Variants in PLAC1 observed in about 807,000 individuals in gnomAD.
PLAC1 encodes the protein placenta-specific protein 1.
For synonymous variants in PLAC1, 68 were observed against 62.1 expected (o/e 1.09, Z -0.44); for missense variants, 136 against 163.2 (o/e 0.83, Z 0.91).
intron 1 of PLAC1, among the ~76,000 whole-genome samples, chrX:134,649,749 T>C (rs2078353179): frequency 8.9e-6 from 1 of 112,221 alleles, no homozygotes; most frequent in South Asian, 3.7e-4. Context: ...TTAAATAACA[T>C]GGCAGATAAG....
chrX:134,734,672 C>T (rs1213487937), intron 1 of PLAC1, among the ~76,000 whole-genome samples: 1 of 111,969 alleles, frequency 8.9e-6, no homozygotes, highest in Non-Finnish European at 1.9e-5. Context: ...GGCGTTCCCT[C>T]CCCTCTCTCT....
At chrX:134,605,952 G>A (rs927665461) in intron 1 of PLAC1, 1 of 111,844 alleles carries the variant, frequency 8.9e-6, no homozygotes, top group Non-Finnish European at 1.9e-5. Context: ...ATAGAAAGTG[G>A]TATTTGTGGC....
intron 1 of PLAC1, among the ~76,000 whole-genome samples, chrX:134,748,245 A>G (rs2078733454): frequency 9.3e-6 from 1 of 108,058 alleles, no homozygotes; most frequent in South Asian, 4.1e-4. Flanking sequence ...CAGGAGAATC[A>G]CTTGAACCCG....
At chrX:134,625,061 CT>C (rs2078229280) in intron 1 of PLAC1, among the ~76,000 whole-genome samples, 1 of 111,916 alleles carries the variant, frequency 8.9e-6, no homozygotes, top group Non-Finnish European at 1.9e-5. Context: ...TTACAGCCTA[CT>C]GACTTTCCCA....
chrX:134,732,664 G>T (rs2078692113), intron 2 of PLAC1, among the ~76,000 whole-genome samples: 1 of 112,479 alleles, frequency 8.9e-6, no homozygotes, highest in Non-Finnish European at 1.9e-5. Context: ...TTATCAAAAA[G>T]CACGACTGTG....
At chrX:134,699,500 G>A (rs746328113) in intron 2 of PLAC1, among the ~76,000 whole-genome samples, 7 of 112,261 alleles carry the variant, frequency 6.2e-5, no homozygotes, top group East Asian at 2.8e-4. Flanking sequence ...AAGTAACTAC[G>A]TGAGATGATG....
rs1792082499 is a variant in PLAC1, at chrX:134,584,650, T to C, written c.-59+17401A>G. Among the ~76,000 whole-genome samples, 5 of 111,381 alleles carry C rather than the reference T, an allele frequency of 4.5e-5. No individual in the cohort carries two copies. In the South Asian group the frequency reaches 2.0e-3, roughly 44 times the overall value. ...AGCTCAACTTCTGTTCCAACATTTGTTTCAAATAAGATTTCCTTCCATAAA... is the reference window on the plus strand; with the variant it reads ...AGCTCAACTTCTGTTCCAACATTTGCTTCAAATAAGATTTCCTTCCATAAA... On this transcript the variant is annotated intron_variant, in intron 2 of 2. Transcript: ENST00000359237.
chrX:134,679,415 G>A (rs1281927758), intron 2 of PLAC1, among the ~76,000 whole-genome samples: 1 of 110,964 alleles, frequency 9.0e-6, no homozygotes, highest in East Asian at 2.8e-4. Context: ...ACAATATAGT[G>A]GAGAAGAGTG....
chrX:134,572,286 G>A (rs1178351229), intron 2 of PLAC1, among the ~76,000 whole-genome samples: 1 of 111,810 alleles, frequency 8.9e-6, no homozygotes, highest in African/African-American at 3.2e-5. Flanking sequence ...TTAAAATGGA[G>A]GTTCTTTTTA....
intron 1 of PLAC1, among the ~76,000 whole-genome samples, chrX:134,752,237 CTTCT>C (rs916774893): frequency 3.8e-5 from 4 of 104,434 alleles, no homozygotes; most frequent in African/African-American, 1.7e-4. Flanking sequence ...CTTTTCATTT[CTTCT>C]TTGTTTGTTT....
chrX:134,734,627 C>G (rs2078698035), intron 1 of PLAC1, among the ~76,000 whole-genome samples: 1 of 112,319 alleles, frequency 8.9e-6, no homozygotes, highest in African/African-American at 3.2e-5. Context: ...GAAGATAGGT[C>G]TGAACCTCCC....
At chrX:134,639,242 G>T (rs1347269786) in intron 1 of PLAC1, among the ~76,000 whole-genome samples, 1 of 111,782 alleles carries the variant, frequency 8.9e-6, no homozygotes, top group Non-Finnish European at 1.9e-5. Flanking sequence ...AGGTCTACAT[G>T]ATGGTTTCCA....
At chrX:134,607,363 T>C (rs1043377051) in intron 1 of PLAC1, 9 of 139,827 alleles carry the variant, frequency 6.4e-5, no homozygotes, top group Non-Finnish European at 1.5e-5. Flanking sequence ...CCCAGTGTGC[T>C]GTTGGCATTA....
intron 1 of PLAC1, among the ~76,000 whole-genome samples, chrX:134,634,175 G>A (rs1378899270): frequency 8.9e-6 from 1 of 111,840 alleles, no homozygotes; most frequent in Non-Finnish European, 1.9e-5. Flanking sequence ...TATTAACAAG[G>A]CTTCTTCCCA....
At chrX:134,572,132 G>T (rs1375033511) in intron 2 of PLAC1, among the ~76,000 whole-genome samples, 12 of 111,456 alleles carry the variant, frequency 1.1e-4, no homozygotes, top group Admixed American at 3.8e-4. Flanking sequence ...AAAGAAAAAT[G>T]AATCTGAGTC....
intron 1 of PLAC1, among the ~76,000 whole-genome samples, chrX:134,625,805 C>A (rs2078234238): frequency 9.0e-6 from 1 of 110,639 alleles, no homozygotes; most frequent in Admixed American, 9.7e-5. Context: ...AGGCAAGTGT[C>A]CCCTGCAGAA....
At chrX:134,590,980 G>A (rs1372235714) in intron 2 of PLAC1, among the ~76,000 whole-genome samples, 1 of 109,118 alleles carries the variant, frequency 9.2e-6, no homozygotes, top group East Asian at 2.9e-4. Flanking sequence ...AGATGGGGAA[G>A]ACAGCACATG....
intron 2 of PLAC1, among the ~76,000 whole-genome samples, chrX:134,670,775 G>A (rs763927618): frequency 3.6e-5 from 4 of 112,045 alleles, no homozygotes; most frequent in East Asian, 5.6e-4. Flanking sequence ...AAGCAGTCAC[G>A]GGCACCTTTG....
chrX:134,572,195 T>C (rs4399076), intron 2 of PLAC1, among the ~76,000 whole-genome samples: 56,753 of 110,033 alleles, frequency 0.52, 11,982 homozygotes, highest in East Asian at 0.66. Flanking sequence ...ATCCTAACAC[T>C]TTGTGGGTGC....
Sources: gnomAD v4.1 joint callset for allele counts (sites outside exome capture counted in the v4.1 genomes callset) on GRCh38, gnomAD v4.1.1 for gene constraint, MANE v1.5 for transcripts, NCBI Gene and HGNC (gene_info 2026-07-23, HGNC 2026-07-21) for gene names.